The following ZMIZ2 variants were observed in gnomAD, a reference collection of about 807,000 sequenced individuals.
ZMIZ2 encodes the protein zinc finger MIZ-type containing 2, also known as zinc finger MIZ domain-containing protein 2.
ZMIZ2 carries 26 observed loss-of-function variants against 93.9 expected under a neutral mutation model. The ratio of observed to expected loss-of-function variants is 0.28; its 90% confidence interval spans 0.20 to 0.38. ZMIZ2 has a LOEUF of 0.38. Ranked by LOEUF, ZMIZ2 falls within the 10% of genes least tolerant of loss-of-function variation. The pLI is 1.00. For synonymous variants in ZMIZ2, 485 were observed against 516.4 expected, an observed-to-expected ratio of 0.94 and a Z score of 0.82; for missense variants, 1,023 against 1,235.0, an observed-to-expected ratio of 0.83 and a Z score of 2.57.
Position 44,759,263 on chromosome 7 carries a change from AT to A in ZMIZ2, c.814-14del, listed in dbSNP as rs1269303355. ...TGATGCCTTTTTTCTCCCCTCGGGC[AT>A]TTTGCCTCTTTTTCAGGTGTATCCA... On this transcript the variant is annotated splice_polypyrimidine_tract_variant and intron_variant, in intron 6 of 18. Coordinates refer to ENST00000309315, the MANE Select transcript of ZMIZ2 (RefSeq NM_031449.4). 13 of 1,479,894 alleles carry A rather than the reference AT, an allele frequency of 8.8e-6. No homozygotes were observed. Among genetic ancestry groups the A allele is most frequent in the Non-Finnish European group, 1.1e-5 (12 of 1,108,606 alleles). 91.7% of individuals were successfully genotyped at this position (1,479,894 alleles called of 1,614,324 possible).
chr7:44,757,914 C>T lies in ZMIZ2; in HGVS notation c.619C>T (p.Pro207Ser), dbSNP rs760181629. ...TGGAGGTCCCCGGGGGCCTAGTGTC[C>T]CCGCTGGCATGAACCCTACTGGCAT... Reference protein sequence around the residue: ...QHGGPRGPSVPAGMNPTGIGG... With the variant: ...QHGGPRGPSVSAGMNPTGIGG... Residue 207 changes from proline to serine, a missense_variant, in exon 6 of 19, where the codon CCC becomes TCC. Around this residue, in one of 3 missense-constraint regions of ZMIZ2, gnomAD observed 656 missense variants for 777.1 expected, o/e 0.84. Transcript: ENST00000309315. 4.3e-6 allele frequency: 7 copies of T among 1,609,744 alleles called. No individual in the cohort carries two copies. Among genetic ancestry groups the T allele is most frequent in the East Asian group, 4.5e-5 (2 of 44,774 alleles).
At chr7:44,764,560 C>T in intron 14 of ZMIZ2, 74 bp downstream of exon 14, 1 of 1,503,606 alleles carries the variant, frequency 6.7e-7, no homozygotes, top group South Asian at 1.2e-5. Context: ...AAACCTCCAA[C>T]AGCATCATCA....
chr7:44,765,586 AC>A lies in ZMIZ2; in HGVS notation c.2242+8del, dbSNP rs1791626659. On this transcript the variant is annotated splice_region_variant and intron_variant, in intron 16 of 18. Transcript: ENST00000309315. This position sits in a 1 kb window ranked among gnomAD's most constrained non-coding sequence, Gnocchi z 4.1. ...AGCGACTACCCTGGCCAGGGTAAGT[AC>A]AGCAGGCTAGCCTTGAACCTCAGAT... 7.0e-7 allele frequency: 1 copy of A among 1,428,108 alleles called. No individual in the cohort carries two copies. The allele number at this position is 1,428,108 out of a possible 1,614,324, so 88.5% of individuals were successfully genotyped here. A position where few individuals can be genotyped will look rare whatever the true frequency, so the allele number is the denominator to read the frequency against.
Position 44,765,447 on chromosome 7 carries a change from C to T in ZMIZ2, c.2110C>T (p.Arg704Cys), listed in dbSNP as rs760318054. 1.7e-5 allele frequency: 28 copies of T among 1,607,804 alleles called. No individual in the cohort carries two copies. Among genetic ancestry groups the T allele is most frequent in the Admixed American group, 3.3e-5 (2 of 59,988 alleles). Residue 704 changes from arginine (R) to cysteine (C), a missense_variant, in exon 16 of 19, where the codon CGC becomes TGC. Physicochemically the swap from Arg to Cys is radical, Grantham distance 180. Coordinates refer to ENST00000309315, the MANE Select transcript of ZMIZ2 (RefSeq NM_031449.4). This position sits in a 1 kb window ranked among gnomAD's most constrained non-coding sequence, Gnocchi z 4.1. ...GGATGGGCCAGCACTGAAGCGCTGC[C>T]GCACCGTGAGCCCCGCCCACGTGCT... ...EPDGPALKRC[R>C]TVSPAHVLMP...
chr7:44,757,261 T>TAGTG lies in ZMIZ2; in HGVS notation c.368+113_369-113dup. On this transcript the variant is annotated intron_variant, in intron 4 of 18. Coordinates refer to ENST00000309315, the MANE Select transcript of ZMIZ2 (RefSeq NM_031449.4). ...TTCCCTCTCTGCTTCCTGACAGCTGTAGTGGAGGGTCTAGAAAGAATGGGC... is the reference window on the plus strand; with the variant it reads ...TTCCCTCTCTGCTTCCTGACAGCTGTAGTGAGTGGAGGGTCTAGAAAGAATGGGC... The TAGTG allele has an allele frequency of 8.7e-6, 13 of 1,497,584 alleles. 1 individual carries two copies. The highest frequency in any genetic ancestry group is 1.2e-5 in the Non-Finnish European group (13 of 1,127,202). 92.8% of individuals were successfully genotyped at this position (1,497,584 alleles called of 1,614,324 possible).
In ZMIZ2 at chr7:44,756,442, A is replaced by G; in HGVS notation, c.68A>G (p.Tyr23Cys). ...PAPHGDGSFA[Y>C]ESVPWQQSAT... is the part of the protein sequence containing the mutation. ...CCCTGCAGTGATGGTTCATTCGCAT[A>G]TGAGTCTGTGCCTTGGCAACAAAGC... Residue 23 changes from tyrosine (Y) to cysteine (C), a missense_variant, in exon 3 of 19, where the codon TAT becomes TGT. Physicochemically the swap from Tyr to Cys is radical, Grantham distance 194 (BLOSUM62 -2). Around this residue, in one of 3 missense-constraint regions of ZMIZ2, gnomAD observed 656 missense variants for 777.1 expected, o/e 0.84. Transcript: ENST00000309315. 6.2e-7 allele frequency: 1 copy of G among 1,614,030 alleles called. No homozygotes were observed. Among genetic ancestry groups the G allele is most frequent in the Non-Finnish European group, 8.5e-7 (1 of 1,180,004 alleles).
rs375187436 is a variant in ZMIZ2 at position 44,749,202 on chromosome 7, C to T, written c.-63+211C>T. The stretch of plus-strand genomic sequence containing the variant: ...AGAGGCTCTGCCGCCCACCTGCCGG[C>T]ACCTGCCACGCGTGCGTCGTGGTCT... On this transcript the variant is annotated intron_variant, in intron 1 of 18. Coordinates refer to ENST00000309315, the MANE Select transcript of ZMIZ2 (RefSeq NM_031449.4). Among the ~76,000 whole-genome samples the T allele has an allele frequency of 5.3e-3, 808 of 152,284 alleles. 5 individuals carry two copies. The highest frequency in any genetic ancestry group is 0.018 in the African/African-American group (766 of 41,582).
At chr7:44,767,444 G>A (rs1413272833) in intron 18 of ZMIZ2, 72 bp from the exon 19 acceptor site, 3 of 1,266,458 alleles carry the variant, frequency 2.4e-6, no homozygotes, top group Non-Finnish European at 3.4e-6. Flanking sequence ...GCCGGGATGT[G>A]GTGACAGGAT....
rs773245959 is a variant in ZMIZ2, at chr7:44,761,490, C to T, written c.1282C>T (p.Arg428Cys). Residue 428 changes from arginine to cysteine, a missense_variant, in exon 10 of 19, where the codon CGC becomes TGC. This residue lies in a region of ZMIZ2 where 656 missense variants were observed against 777.1 expected (regional missense o/e 0.84). Transcript: ENST00000309315. The surrounding 1 kb of genome is among the most constrained non-coding windows in gnomAD (Gnocchi z 5.8). ...CGAGTTGCGGCTGACCTTCCCTGTG[C>T]GCGATGGGGTGGTCCTGGAGCCCTT... ...CDELRLTFPVRDGVVLEPFRL... is the reference protein window; with the variant it reads ...CDELRLTFPVCDGVVLEPFRL... 17 of 1,613,832 alleles carry T rather than the reference C, an allele frequency of 1.1e-5. No homozygotes were observed. Among genetic ancestry groups the T allele is most frequent in the Middle Eastern group, 1.6e-4 (1 of 6,084 alleles).
intron 6 of ZMIZ2, among the ~76,000 whole-genome samples, chr7:44,758,667 C>A (rs1334613449): frequency 6.6e-6 from 1 of 151,206 alleles, no homozygotes; most frequent in Non-Finnish European, 1.5e-5. Context: ...AATCTCAGCA[C>A]TTTGGGAGGC....
intron 18 of ZMIZ2, among the ~76,000 whole-genome samples, chr7:44,767,093 A>G (rs1396338219): frequency 1.3e-5 from 2 of 152,178 alleles, no homozygotes; most frequent in African/African-American, 4.8e-5. Context: ...AACTCATTCT[A>G]GAAGTTCAAC....
chr7:44,753,525 T>C (rs1287616408), intron 1 of ZMIZ2, among the ~76,000 whole-genome samples: 1 of 152,208 alleles, frequency 6.6e-6, no homozygotes, highest in Admixed American at 6.5e-5. Flanking sequence ...GGATTATAAG[T>C]GTGAGCCACT....
upstream of ZMIZ2, chr7:44,748,684 C>T (rs1789836174): frequency 6.6e-6 from 1 of 150,962 alleles, no homozygotes; most frequent in Non-Finnish European, 1.5e-5. Flanking sequence ...CTCCTGCCCG[C>T]CCAGCCACCT....
chr7:44,754,690 G>C (rs879694538), intron 1 of ZMIZ2, among the ~76,000 whole-genome samples: 3 of 152,188 alleles, frequency 2.0e-5, no homozygotes, highest in Non-Finnish European at 2.9e-5. Context: ...CTCTCCTGGG[G>C]CAGGGAGAGG....
rs7788448 is a variant in ZMIZ2 at position 44,759,904 on chromosome 7, G to A, written c.994-247G>A. On this transcript the variant is annotated intron_variant, in intron 7 of 18. Coordinates refer to ENST00000309315, the MANE Select transcript of ZMIZ2 (RefSeq NM_031449.4). Reference sequence around the variant, plus strand: ...ACCTCCCTGGGAGCCTGGGTGCGCCGGGTGGTGCAGCTTGGGGGAGGAGAG... The same window carrying A: ...ACCTCCCTGGGAGCCTGGGTGCGCCAGGTGGTGCAGCTTGGGGGAGGAGAG... 3,593 of 556,332 alleles carry A rather than the reference G, an allele frequency of 6.5e-3. 108 individuals are homozygous for A. The highest frequency in any genetic ancestry group is 0.062 in the African/African-American group (3,209 of 51,632). The allele number at this position is 556,332 out of a possible 1,614,324, so 34.5% of individuals were successfully genotyped here. A position where few individuals can be genotyped will look rare whatever the true frequency, so the allele number is the denominator to read the frequency against.
In ZMIZ2 at chr7:44,751,531, C is replaced by A. The variant is rs187883115; in HGVS notation, c.-63+2540C>A. Among the ~76,000 whole-genome samples the A allele has an allele frequency of 4.5e-3, 683 of 152,352 alleles. 10 individuals carry two copies. Among genetic ancestry groups the A allele is most frequent in the Non-Finnish European group, 4.3e-3 (293 of 68,034 alleles). On this transcript the variant is annotated intron_variant, in intron 1 of 18. Transcript: ENST00000309315. Reference sequence around the variant, plus strand: ...GGCACATCTGCTTGCCTGCCAGATTCCCTCTCTGTTCTTGGGACAGCAAAG... The same window carrying A: ...GGCACATCTGCTTGCCTGCCAGATTACCTCTCTGTTCTTGGGACAGCAAAG...
intron 9 of ZMIZ2, 40 bp downstream of exon 9, chr7:44,760,633 C>G (rs769860806): frequency 1.2e-6 from 2 of 1,609,636 alleles, no homozygotes; most frequent in African/African-American, 2.7e-5. Context: ...GTGACAAGGC[C>G]AGGGTGGGCA....
Position 44,761,667 on chromosome 7 carries a change from C to G in ZMIZ2, c.1386-28C>G, listed in dbSNP as rs755847430. On this transcript the variant is annotated intron_variant, in intron 10 of 18. Coordinates refer to ENST00000309315, the MANE Select transcript of ZMIZ2 (RefSeq NM_031449.4). This position sits in a 1 kb window ranked among gnomAD's most constrained non-coding sequence, Gnocchi z 5.8. ...CTCCCACACTCTCAGGGCCCGTTTTCTGGGTGTCCACCCATCTTCCTGAGC... is the reference window on the plus strand; with the variant it reads ...CTCCCACACTCTCAGGGCCCGTTTTGTGGGTGTCCACCCATCTTCCTGAGC... The G allele has an allele frequency of 1.9e-6, 3 of 1,613,724 alleles. No individual in the cohort carries two copies. The highest frequency in any genetic ancestry group is 2.5e-6 in the Non-Finnish European group (3 of 1,179,818).
intron 14 of ZMIZ2, 29 bp from the exon 15 acceptor site, chr7:44,764,912 C>G (rs1280124628): frequency 3.1e-6 from 5 of 1,613,604 alleles, no homozygotes; most frequent in East Asian, 2.2e-5. Flanking sequence ...TGCAAGGTCT[C>G]TGAGCTGTGT....
Sources: gnomAD v4.1 joint callset for allele counts (sites outside exome capture counted in the v4.1 genomes callset) on GRCh38, gnomAD v4.1.1 for gene constraint, gnomAD v4.1.1 regional missense constraint, Gnocchi (gnomAD v3.1) non-coding constraint, MANE v1.5 for transcripts, NCBI Gene and HGNC (gene_info 2026-07-23, HGNC 2026-07-21) for gene names.